The following KCNIP4 variants were observed in gnomAD, a reference collection of about 807,000 sequenced individuals.
The protein encoded by KCNIP4 is potassium voltage-gated channel interacting protein 4.
In KCNIP4, 12 loss-of-function variants were observed where a neutral mutation model predicts 34.0. The ratio of observed to expected loss-of-function variants is 0.35; its 90% CI spans 0.23 to 0.57. KCNIP4 has a LOEUF of 0.57. KCNIP4 is among the 20% of genes least tolerant of loss of function. The pLI is 0.83. For synonymous variants in KCNIP4, 124 were observed against 102.2 expected, an observed-to-expected ratio of 1.21 and a Z score of -1.29; for missense variants, 238 against 311.7, an observed-to-expected ratio of 0.76 and a Z score of 1.78.
At chr4:20,848,855 G>T (rs1359404808) in intron 3 of KCNIP4, among the ~76,000 whole-genome samples, 2 of 152,158 alleles carry the variant, frequency 1.3e-5, no homozygotes, top group Non-Finnish European at 2.9e-5. Context: ...TAGCAAAGAA[G>T]TTTAGGTGTT....
intron 1 of KCNIP4, among the ~76,000 whole-genome samples, chr4:21,343,798 G>C (rs895684557): frequency 6.6e-6 from 1 of 152,134 alleles, no homozygotes; most frequent in East Asian, 1.9e-4. Context: ...AAACTTATAG[G>C]CAGGAAGAAA....
intron 1 of KCNIP4, among the ~76,000 whole-genome samples, chr4:21,537,873 T>G (rs1737327732): frequency 6.6e-6 from 1 of 151,466 alleles, no homozygotes; most frequent in East Asian, 1.9e-4. Context: ...TTAGCTGGGC[T>G]TGGTGGCACA....
chr4:21,914,629 T>C (rs1728527719), intron 1 of KCNIP4, among the ~76,000 whole-genome samples: 1 of 152,140 alleles, frequency 6.6e-6, no homozygotes, highest in Non-Finnish European at 1.5e-5. Context: ...TCCCTGATCA[T>C]CCTAGGCCGA....
At chr4:20,940,452 T>A (rs1253320994) in intron 1 of KCNIP4, among the ~76,000 whole-genome samples, 1 of 152,206 alleles carries the variant, frequency 6.6e-6, no homozygotes, top group Non-Finnish European at 1.5e-5. Flanking sequence ...ACTTAGGAAG[T>A]GATCCAATTT....
chr4:21,895,343 T>C (rs1256876908), intron 1 of KCNIP4, among the ~76,000 whole-genome samples: 1 of 152,148 alleles, frequency 6.6e-6, no homozygotes, highest in Non-Finnish European at 1.5e-5. Context: ...AAATGGTACT[T>C]GAAATATAGA....
At chr4:21,928,789 G>A (rs753968418) in intron 1 of KCNIP4, among the ~76,000 whole-genome samples, 19 of 151,792 alleles carry the variant, frequency 1.3e-4, no homozygotes, top group Non-Finnish European at 2.2e-4. Flanking sequence ...ATGCAAATCC[G>A]TTGCACATGT....
chr4:21,144,991 T>A (rs1396345355), intron 1 of KCNIP4, among the ~76,000 whole-genome samples: 4 of 149,698 alleles, frequency 2.7e-5, no homozygotes, highest in Middle Eastern at 6.9e-3. Flanking sequence ...AAAAAAAAAA[T>A]AGTAATATGA....
chr4:21,156,738 A>C (rs1283499109), intron 1 of KCNIP4, among the ~76,000 whole-genome samples: 1 of 152,146 alleles, frequency 6.6e-6, no homozygotes, highest in Non-Finnish European at 1.5e-5. Flanking sequence ...CAATATCATC[A>C]TCTTTTTATA....
chr4:20,777,928 A>T (rs1756514109), intron 3 of KCNIP4, among the ~76,000 whole-genome samples: 1 of 152,204 alleles, frequency 6.6e-6, no homozygotes, highest in African/African-American at 2.4e-5. Flanking sequence ...AAAACCAGGG[A>T]GCTGAATGCA....
At chr4:21,652,172 G>A (rs1299592297) in intron 1 of KCNIP4, among the ~76,000 whole-genome samples, 3 of 152,072 alleles carry the variant, frequency 2.0e-5, no homozygotes, top group African/African-American at 4.8e-5. Flanking sequence ...CCTTTTAGTG[G>A]ACAATTTATG....
intron 1 of KCNIP4, among the ~76,000 whole-genome samples, chr4:21,646,218 G>T (rs797021494): frequency 2.0e-5 from 3 of 152,270 alleles, no homozygotes; most frequent in African/African-American, 7.2e-5. Context: ...ACTCTGTATA[G>T]TAGATTCTAT....
intron 1 of KCNIP4, among the ~76,000 whole-genome samples, chr4:21,408,385 G>A (rs1005625807): frequency 1.3e-5 from 2 of 152,070 alleles, no homozygotes; most frequent in East Asian, 1.9e-4. Context: ...TTAGAGCAAC[G>A]TAAATTATAA....
chr4:21,711,464 G>C lies in KCNIP4; in HGVS notation c.61+237107C>G, dbSNP rs575843481. 1.5e-3 allele frequency among the ~76,000 whole-genome samples: 225 copies of C among 151,834 alleles called. 1 individual carries two copies. The highest frequency in any genetic ancestry group is 5.1e-3 in the African/African-American group (211 of 41,274). On this transcript the variant is annotated intron_variant, in intron 1 of 8. Coordinates refer to ENST00000382152, the MANE Select transcript of KCNIP4 (RefSeq NM_025221.6). Reference sequence around the variant, plus strand: ...GCCACTGCACTCCAGCCTGGTGACAGAGCGAGACTCCGTCTCAAAAAAACA... The same window carrying C: ...GCCACTGCACTCCAGCCTGGTGACACAGCGAGACTCCGTCTCAAAAAAACA...
intron 1 of KCNIP4, among the ~76,000 whole-genome samples, chr4:21,732,089 T>C (rs1160627007): frequency 7.0e-6 from 1 of 143,638 alleles, no homozygotes; most frequent in East Asian, 1.9e-4. Context: ...TTTAGATACA[T>C]CATGAGTTGG....
At chr4:21,765,832 A>C (rs55651655) in intron 1 of KCNIP4, among the ~76,000 whole-genome samples, 4 of 139,224 alleles carry the variant, frequency 2.9e-5, no homozygotes, top group African/African-American at 1.3e-4. Context: ...AAAAAAAAAA[A>C]AAAAAAACAA....
intron 1 of KCNIP4, among the ~76,000 whole-genome samples, chr4:21,893,413 C>T (rs761125273): frequency 3.3e-5 from 5 of 152,148 alleles, no homozygotes; most frequent in African/African-American, 7.2e-5. Flanking sequence ...GTTGTTCCAA[C>T]GATGAGGCTT....
intron 1 of KCNIP4, among the ~76,000 whole-genome samples, chr4:21,327,940 G>A (rs1016937328): frequency 1.8e-4 from 28 of 152,036 alleles, no homozygotes; most frequent in Non-Finnish European, 3.8e-4. Context: ...TTATCTAATA[G>A]ATTTCTGAAT....
intron 1 of KCNIP4, among the ~76,000 whole-genome samples, chr4:21,816,463 T>C (rs890240083): frequency 7.2e-5 from 11 of 152,140 alleles, no homozygotes; most frequent in African/African-American, 2.7e-4. Flanking sequence ...CAGAAAAAGA[T>C]GACTCAGGAC....
At chr4:21,154,263 T>A (rs1181252660) in intron 1 of KCNIP4, among the ~76,000 whole-genome samples, 1 of 152,218 alleles carries the variant, frequency 6.6e-6, no homozygotes, top group Non-Finnish European at 1.5e-5. Context: ...TCATCACACA[T>A]TGTATGCTTG....
Sources: gnomAD v4.1 joint callset for allele counts (sites outside exome capture counted in the v4.1 genomes callset) on GRCh38, gnomAD v4.1.1 for gene constraint, MANE v1.5 for transcripts, NCBI Gene and HGNC (gene_info 2026-07-23, HGNC 2026-07-21) for gene names.